AJAP1: variants seen among roughly 807,000 people sequenced by gnomAD.
The protein encoded by AJAP1 is adherens junctions associated protein 1.
Under a neutral mutation model 35.0 loss-of-function variants are expected in AJAP1, and 5 were observed. The ratio of observed to expected loss-of-function variants is 0.14; its 90% CI spans 0.07 to 0.30. The LOEUF is 0.30. Among genes scored for constraint, AJAP1 ranks in the 10% least tolerant of loss-of-function variants. The pLI is 1.00. For synonymous variants in AJAP1, 284 were observed against 249.3 expected (o/e 1.14, Z -1.31); for missense variants, 586 against 571.0 (o/e 1.03, Z -0.27).
intron 2 of AJAP1, among the ~76,000 whole-genome samples, chr1:4,740,579 A>T (rs981005045): frequency 1.3e-5 from 2 of 151,750 alleles, no homozygotes; most frequent in Non-Finnish European, 2.9e-5. Context: ...AGGTCAGGAG[A>T]TCGAGACCAT....
rs1460279136 is a variant in AJAP1, at chr1:4,654,909, G to A, written c.-517G>A. On this transcript the variant is annotated 5_prime_UTR_variant, in exon 1 of 6. Transcript: ENST00000378191. This position sits in a 1 kb window ranked among gnomAD's most constrained non-coding sequence, Gnocchi z 5.1. ...GCCCCCCGACCCGGCAGCGCGGAGG[G>A]GACTCGCGTCCGTCCGCGTCGCGTC... 7 of 150,016 alleles carry A rather than the reference G, an allele frequency of 4.7e-5. No individual in the cohort carries two copies. The highest frequency in any genetic ancestry group is 3.4e-3 in the Middle Eastern group (1 of 292). 9.3% of individuals were successfully genotyped at this position (150,016 alleles called of 1,614,324 possible). A position where few individuals can be genotyped will look rare whatever the true frequency, so the allele number is the denominator to read the frequency against.
chr1:4,655,659 AG>A lies in AJAP1; in HGVS notation c.29+208del, dbSNP rs1274354268. Among the ~76,000 whole-genome samples, 2 of 150,826 alleles carry A rather than the reference AG, an allele frequency of 1.3e-5. No homozygotes were observed. Among genetic ancestry groups the A allele is most frequent in the Non-Finnish European group, 3.0e-5 (2 of 67,606 alleles). On this transcript the variant is annotated intron_variant, in intron 1 of 5. Transcript: ENST00000378191. This position sits in a 1 kb window ranked among gnomAD's most constrained non-coding sequence, Gnocchi z 6.9. ...CCTGGCGGGGAGCGGCCGGGTCTCCAGGGTTCCGCGCGTCCGGGGTCGGGGC... is the reference window on the plus strand; with the variant it reads ...CCTGGCGGGGAGCGGCCGGGTCTCCAGGTTCCGCGCGTCCGGGGTCGGGGC...
chr1:4,775,143 C>T (rs768121938), intron 5 of AJAP1, among the ~76,000 whole-genome samples: 5 of 152,214 alleles, frequency 3.3e-5, no homozygotes, highest in Non-Finnish European at 7.3e-5. Flanking sequence ...ATTTTCCACG[C>T]TCTGCTGGAT....
chr1:4,689,042 C>T (rs996439952), intron 1 of AJAP1, among the ~76,000 whole-genome samples: 6 of 151,992 alleles, frequency 3.9e-5, no homozygotes, highest in African/African-American at 7.2e-5. Context: ...TCTGAGACCC[C>T]GCCTGCCCCC....
intron 2 of AJAP1, among the ~76,000 whole-genome samples, chr1:4,739,233 G>A (rs1641000877): frequency 6.6e-6 from 1 of 152,202 alleles, no homozygotes; most frequent in South Asian, 2.1e-4. Context: ...CTCACACACA[G>A]CATCCCACTT....
At chr1:4,758,593 A>AC (rs1247838409) in intron 2 of AJAP1, among the ~76,000 whole-genome samples, 1 of 152,048 alleles carries the variant, frequency 6.6e-6, no homozygotes, top group Non-Finnish European at 1.5e-5. Context: ...AACCACCCCA[A>AC]CCCCCATGAT....
intron 1 of AJAP1, among the ~76,000 whole-genome samples, chr1:4,681,961 C>T (rs1639493384): frequency 6.6e-6 from 1 of 152,144 alleles, no homozygotes; most frequent in South Asian, 2.1e-4. Context: ...CATAGCAATC[C>T]TATAATGATC....
Position 4,674,693 on chromosome 1 carries a change from T to G in AJAP1, c.29+19239T>G, listed in dbSNP as rs1219769254. Among the ~76,000 whole-genome samples the G allele has an allele frequency of 5.3e-5, 8 of 152,156 alleles. No homozygotes were observed. The East Asian group carries it at 1.5e-3, about 29-fold the overall frequency. ...GTCTTGGGGCCTCCCTTTCCTGGGCTCTGGTTCAGTGGGAAGCTCTCAGAG... is the reference window on the plus strand; with the variant it reads ...GTCTTGGGGCCTCCCTTTCCTGGGCGCTGGTTCAGTGGGAAGCTCTCAGAG... On this transcript the variant is annotated intron_variant, in intron 1 of 5. Coordinates refer to ENST00000378191, the MANE Select transcript of AJAP1 (RefSeq NM_018836.4).
At chr1:4,671,326 G>A (rs1006560603) in intron 1 of AJAP1, among the ~76,000 whole-genome samples, 1 of 149,846 alleles carries the variant, frequency 6.7e-6, no homozygotes, top group Admixed American at 6.7e-5. Flanking sequence ...CTGAGATTGC[G>A]CCACTGCACT....
rs1281557347 is a variant in AJAP1 at position 4,787,796 on chromosome 1, A to G, written c.*5311A>G. ...GCGACTTGGCCCACGGGGCACGGGC[A>G]CCTTGGGGATGCCATTCTTCTTGGT... is the stretch of plus-strand genomic sequence containing the variant. On this transcript the variant is annotated 3_prime_UTR_variant, in exon 6 of 6. Coordinates refer to ENST00000378191, the MANE Select transcript of AJAP1 (RefSeq NM_018836.4). The G allele has an allele frequency of 2.0e-5, 9 of 453,894 alleles. No individual in the cohort carries two copies. In the East Asian group the frequency reaches 6.3e-4, roughly 32 times the overall value. 28.1% of individuals were successfully genotyped at this position (453,894 alleles called of 1,614,324 possible).
Position 4,715,167 on chromosome 1 carries a change from G to A in AJAP1, c.829+2468G>A, listed in dbSNP as rs1235150937. Among the ~76,000 whole-genome samples, 3 of 152,162 alleles carry A rather than the reference G, an allele frequency of 2.0e-5. No homozygotes were observed. The East Asian group carries it at 5.8e-4, about 29-fold the overall frequency. The stretch of plus-strand genomic sequence containing the variant: ...TGCAGACCTGCGCCCCCAACATTTG[G>A]TGGAACGTGAACACTACTCACACTT... On this transcript the variant is annotated intron_variant, in intron 2 of 5. Transcript: ENST00000378191.
At chr1:4,735,676 C>T (rs1267729598) in intron 2 of AJAP1, among the ~76,000 whole-genome samples, 1 of 150,300 alleles carries the variant, frequency 6.7e-6, no homozygotes. Flanking sequence ...AGGTGAGCTC[C>T]TCCCTGCTCC....
intron 2 of AJAP1, among the ~76,000 whole-genome samples, chr1:4,752,853 G>A (rs1641348875): frequency 6.6e-6 from 1 of 152,208 alleles, no homozygotes; most frequent in African/African-American, 2.4e-5. Context: ...GACAAAGACT[G>A]GGTCCTCTAG....
intron 1 of AJAP1, among the ~76,000 whole-genome samples, chr1:4,683,734 C>T (rs1639539623): frequency 6.6e-6 from 1 of 152,188 alleles, no homozygotes; most frequent in Admixed American, 6.5e-5. Flanking sequence ...CTCACTTGTC[C>T]CACAGCCATT....
chr1:4,751,715 C>T (rs376727386), intron 2 of AJAP1, among the ~76,000 whole-genome samples: 2 of 152,216 alleles, frequency 1.3e-5, no homozygotes, highest in African/African-American at 4.8e-5. Flanking sequence ...GTGGCCACAC[C>T]GATGATGGCA....
In AJAP1 at chr1:4,712,580, C is replaced by T. The variant is rs1640286786; in HGVS notation, c.710C>T (p.Thr237Ile). ...ATGACGCTGCAGACTAAGGGGTTCACCGAGTCCTTGGATCCCCGGAGAAGG... is the reference window on the plus strand; with the variant it reads ...ATGACGCTGCAGACTAAGGGGTTCATCGAGTCCTTGGATCCCCGGAGAAGG... ...TPMTLQTKGF[T>I]ESLDPRRRIP... Residue 237 changes from threonine to isoleucine, a missense_variant, in exon 2 of 6, where the codon ACC becomes ATC. Thr to Ile is a moderately conservative substitution (Grantham distance 89). Coordinates refer to ENST00000378191, the MANE Select transcript of AJAP1 (RefSeq NM_018836.4). 1 of 1,609,248 alleles carries T rather than the reference C, an allele frequency of 6.2e-7. No homozygotes were observed. Among genetic ancestry groups the T allele is most frequent in the African/African-American group, 1.3e-5 (1 of 74,860 alleles).
At chr1:4,666,188 G>T (rs1303444902) in intron 1 of AJAP1, among the ~76,000 whole-genome samples, 2 of 149,980 alleles carry the variant, frequency 1.3e-5, no homozygotes, top group African/African-American at 2.5e-5. Context: ...GCCCACTGAG[G>T]CTCCTCCGGC....
chr1:4,698,649 C>T (rs1022342164), intron 1 of AJAP1, among the ~76,000 whole-genome samples: 4 of 152,214 alleles, frequency 2.6e-5, no homozygotes, highest in African/African-American at 9.7e-5. Flanking sequence ...GTCATCCTTC[C>T]TCGGTGTGAC....
At chr1:4,724,757 G>A (rs1640610125) in intron 2 of AJAP1, among the ~76,000 whole-genome samples, 1 of 151,422 alleles carries the variant, frequency 6.6e-6, no homozygotes, top group Non-Finnish European at 1.5e-5. Context: ...TTTTTAAAAT[G>A]CAACTTCTGG....
Sources: allele counts gnomAD v4.1 joint callset (sites outside exome capture counted in the v4.1 genomes callset), GRCh38; gene constraint gnomAD v4.1.1; non-coding constraint Gnocchi (gnomAD v3.1); transcripts MANE v1.5; gene names NCBI Gene and HGNC (gene_info 2026-07-23, HGNC 2026-07-21).